PRDM5: variants seen among roughly 807,000 people sequenced by gnomAD.
PRDM5 encodes the protein PR/SET domain 5, also known as PR domain zinc finger protein 5.
PRDM5 carries 56 observed loss-of-function variants against 81.2 expected under a neutral mutation model. That is an observed-to-expected ratio of 0.69 (90% CI 0.56 to 0.86). The LOEUF is 0.86. Ranked by LOEUF, PRDM5 falls within the 40% of genes least tolerant of loss-of-function variation. The probability of loss-of-function intolerance (pLI) is 0.00; values close to 1 mark genes in which losing one functional copy is unlikely to be tolerated. For missense variants in PRDM5, 697 were observed against 770.1 expected (o/e 0.91, Z 1.12); for synonymous variants, 267 against 256.4 (o/e 1.04, Z -0.39).
intron 11 of PRDM5, 45 bp downstream of exon 11, chr4:120,784,953 A>G: frequency 2.1e-6 from 3 of 1,436,832 alleles, no homozygotes; most frequent in Non-Finnish European, 2.9e-6. Flanking sequence ...AAAACAAAGT[A>G]TGAGATAATT....
At chr4:120,790,041 A>C (rs946944125) in intron 10 of PRDM5, among the ~76,000 whole-genome samples, 3 of 152,160 alleles carry the variant, frequency 2.0e-5, no homozygotes, top group African/African-American at 7.2e-5. Context: ...TTTTCAGATG[A>C]AGTTATAGAA....
At chr4:120,690,427 C>T (rs1280135210), downstream of PRDM5, among the ~76,000 whole-genome samples, 5 of 152,018 alleles carry the variant, frequency 3.3e-5, no homozygotes, top group African/African-American at 9.7e-5. Flanking sequence ...AAGCCATCAT[C>T]GCGGACTGAA....
intron 15 of PRDM5, among the ~76,000 whole-genome samples, chr4:120,701,285 T>G: frequency 6.6e-6 from 1 of 152,092 alleles, no homozygotes; most frequent in East Asian, 1.9e-4. Context: ...TAAAAGAACT[T>G]AAAACAGAAC....
chr4:120,837,537 G>A (rs952756400), intron 3 of PRDM5: 4 of 152,124 alleles, frequency 2.6e-5, no homozygotes, highest in Admixed American at 1.3e-4. Flanking sequence ...TCCAACCAAT[G>A]TCATGTTGCA....
At chr4:120,802,334 A>C (rs2149294798) in intron 8 of PRDM5, among the ~76,000 whole-genome samples, 1 of 152,362 alleles carries the variant, frequency 6.6e-6, no homozygotes, top group African/African-American at 2.4e-5. Flanking sequence ...AGCGACGCAG[A>C]AGATGGGTGA....
intron 4 of PRDM5, among the ~76,000 whole-genome samples, chr4:120,820,220 A>C (rs1485915287): frequency 6.6e-6 from 1 of 152,324 alleles, no homozygotes; most frequent in South Asian, 2.1e-4. Context: ...AAGAAGCCCA[A>C]GAGAGCTTGC....
At chr4:120,899,805 G>T (rs763469166) in intron 2 of PRDM5, among the ~76,000 whole-genome samples, 1 of 152,168 alleles carries the variant, frequency 6.6e-6, no homozygotes, top group Non-Finnish European at 1.5e-5. Flanking sequence ...CCAGGCAGTG[G>T]CAAGTCCAGG....
chr4:120,887,199 C>T (rs975775143), intron 2 of PRDM5, among the ~76,000 whole-genome samples: 2 of 152,156 alleles, frequency 1.3e-5, no homozygotes, highest in Non-Finnish European at 2.9e-5. Flanking sequence ...CCGCCTTGGC[C>T]TCTCAAAGTG....
rs6828115 is a variant in PRDM5 at position 120,802,431 on chromosome 4, A to G, written c.946-2686T>C. ...CAGGACAGTGGGTGCCTGACTCCCA[A>G]GTAGCCTAACTGGGAGGCATCCGCC... On this transcript the variant is annotated intron_variant, in intron 8 of 15. Transcript: ENST00000264808. Among the ~76,000 whole-genome samples, 1,310 of 152,316 alleles carry G rather than the reference A, an allele frequency of 8.6e-3. 21 individuals carry two copies. Among genetic ancestry groups the G allele is most frequent in the African/African-American group, 0.03 (1,241 of 41,582 alleles).
intron 11 of PRDM5, 136 bp downstream of exon 11, chr4:120,784,862 C>T (rs374626560): frequency 3.4e-5 from 19 of 553,466 alleles, no homozygotes; most frequent in Non-Finnish European, 5.2e-5. Flanking sequence ...GCAGAATTTT[C>T]GGTCTTTCTT....
chr4:120,736,177 T>C (rs1481515744), intron 14 of PRDM5, among the ~76,000 whole-genome samples: 2 of 150,768 alleles, frequency 1.3e-5, no homozygotes, highest in African/African-American at 4.9e-5. Flanking sequence ...TTTCATTCTT[T>C]CTATGCTTGA....
chr4:120,710,510 T>A, intron 14 of PRDM5, 97 bp from the exon 15 acceptor site: 1 of 964,994 alleles, frequency 1.0e-6, no homozygotes, highest in Non-Finnish European at 1.6e-6. Context: ...CACAGAATAC[T>A]GCAGCAAATT....
At chr4:120,900,311 G>A (rs1470975885) in intron 2 of PRDM5, among the ~76,000 whole-genome samples, 1 of 152,094 alleles carries the variant, frequency 6.6e-6, no homozygotes, top group Non-Finnish European at 1.5e-5. Flanking sequence ...GTCCCATCCT[G>A]GAGGCTATCT....
chr4:120,867,289 T>C (rs1199786035), intron 2 of PRDM5, among the ~76,000 whole-genome samples: 1 of 152,144 alleles, frequency 6.6e-6, no homozygotes, highest in Non-Finnish European at 1.5e-5. Context: ...ATAGGGAATA[T>C]TAAATGATCT....
chr4:120,832,232 G>T (rs1756806908), intron 3 of PRDM5, among the ~76,000 whole-genome samples: 1 of 152,098 alleles, frequency 6.6e-6, no homozygotes, highest in African/African-American at 2.4e-5. Flanking sequence ...ATGGCAGAAG[G>T]CATCTCTTCT....
intron 14 of PRDM5, among the ~76,000 whole-genome samples, chr4:120,719,155 A>G (rs1369143127): frequency 2.0e-5 from 3 of 152,146 alleles, no homozygotes; most frequent in Non-Finnish European, 4.4e-5. Flanking sequence ...TGCACCCACT[A>G]GATGTCAGTA....
chr4:120,836,344 T>G (rs1206592686), intron 3 of PRDM5, among the ~76,000 whole-genome samples: 1 of 152,174 alleles, frequency 6.6e-6, no homozygotes, highest in Non-Finnish European at 1.5e-5. Flanking sequence ...AAATATATCT[T>G]TTATAATATC....
chr4:120,872,151 A>AC lies in PRDM5; in HGVS notation c.178-18612_178-18611insG, dbSNP rs1761884269. Among the ~76,000 whole-genome samples, 3 of 44,818 alleles carry AC rather than the reference A, an allele frequency of 6.7e-5. No homozygotes were observed. The South Asian group carries it at 1.7e-3, about 26-fold the overall frequency. The allele number at this position is 44,818 out of a possible 152,430, so 29.4% of individuals were successfully genotyped here. On this transcript the variant is annotated intron_variant, in intron 2 of 15. Coordinates refer to ENST00000264808, the MANE Select transcript of PRDM5 (RefSeq NM_018699.4). ...GGGCGACAGAGCAAGACTCCATCTCAAAAAAAAAAAAAAAAAAAAAAAACC... is the reference window on the plus strand; with the variant it reads ...GGGCGACAGAGCAAGACTCCATCTCACAAAAAAAAAAAAAAAAAAAAAAACC...
intron 2 of PRDM5, 140 bp from the exon 3 acceptor site, chr4:120,853,680 G>A: frequency 9.1e-7 from 1 of 1,096,404 alleles, no homozygotes; most frequent in Non-Finnish European, 1.4e-6. Context: ...GGACTAACAT[G>A]CATTCTTCTC....
Sources: allele counts gnomAD v4.1 joint callset (sites outside exome capture counted in the v4.1 genomes callset), GRCh38; gene constraint gnomAD v4.1.1; transcripts MANE v1.5; gene names NCBI Gene and HGNC (gene_info 2026-07-23, HGNC 2026-07-21).